Variants in COG5 observed in about 807,000 individuals in gnomAD.
COG5 encodes the protein conserved oligomeric Golgi complex subunit 5.
COG5 carries 86 observed loss-of-function variants against 110.4 expected under a neutral mutation model. The observed-to-expected ratio is 0.78, with a 90% confidence interval of 0.65 to 0.93. The LOEUF (loss-of-function observed/expected upper bound fraction) is 0.93, where lower values mean the gene tolerates loss of function less well. Ranked by LOEUF, COG5 falls within the 40% of genes least tolerant of loss-of-function variation. The probability of loss-of-function intolerance (pLI) is 0.00; values close to 1 mark genes in which losing one functional copy is unlikely to be tolerated. For missense variants in COG5, 1,077 were observed against 987.0 expected (o/e 1.09, Z -1.22); for synonymous variants, 360 against 334.6 (o/e 1.08, Z -0.83).
At chr7:107,382,878 G>A (rs1478390416) in intron 7 of COG5, among the ~76,000 whole-genome samples, 2 of 151,970 alleles carry the variant, frequency 1.3e-5, no homozygotes, top group Non-Finnish European at 2.9e-5. Context: ...TTAAGTTTTC[G>A]CCTACATTTT....
At chr7:107,526,749 C>A (rs1236684023) in intron 6 of COG5, among the ~76,000 whole-genome samples, 1 of 152,300 alleles carries the variant, frequency 6.6e-6, no homozygotes, top group African/African-American at 2.4e-5. Flanking sequence ...TTGAATAAAT[C>A]TCAAAGGTAT....
At chr7:107,522,977 G>T (rs1427921888) in intron 6 of COG5, among the ~76,000 whole-genome samples, 1 of 152,080 alleles carries the variant, frequency 6.6e-6, no homozygotes, top group African/African-American at 2.4e-5. Context: ...TCTCTTAAAA[G>T]TTATTCTAGC....
chr7:107,306,091 A>G (rs1244306758), intron 11 of COG5, among the ~76,000 whole-genome samples: 1 of 152,198 alleles, frequency 6.6e-6, no homozygotes, highest in Non-Finnish European at 1.5e-5. Context: ...CATACAGCAA[A>G]CTTGCAAACA....
At chr7:107,264,852 A>T (rs1308921989) in intron 14 of COG5, among the ~76,000 whole-genome samples, 1 of 152,212 alleles carries the variant, frequency 6.6e-6, no homozygotes, top group Non-Finnish European at 1.5e-5. Context: ...GGCAATTCAC[A>T]TGATGGAACA....
chr7:107,547,866 T>A, intron 5 of COG5: 1 of 467,612 alleles, frequency 2.1e-6, no homozygotes, highest in Non-Finnish European at 3.8e-6. Flanking sequence ...AAAACATTGA[T>A]GAAAGAAATT....
chr7:107,396,185 A>G (rs1333035362), intron 7 of COG5, among the ~76,000 whole-genome samples: 1 of 152,196 alleles, frequency 6.6e-6, no homozygotes, highest in East Asian at 1.9e-4. Context: ...ATGGGAGATT[A>G]CAAGAATTAA....
At chr7:107,510,274 A>T (rs1316522183) in intron 6 of COG5, among the ~76,000 whole-genome samples, 1 of 152,106 alleles carries the variant, frequency 6.6e-6, no homozygotes, top group Non-Finnish European at 1.5e-5. Context: ...CAGACTTTAA[A>T]CCAACAAAGA....
chr7:107,422,023 A>C (rs1035102876), intron 6 of COG5, among the ~76,000 whole-genome samples: 8 of 152,178 alleles, frequency 5.3e-5, no homozygotes, highest in Non-Finnish European at 1.5e-5. Context: ...AAGGTCTCAA[A>C]TCAATAATAC....
rs190322239 is a variant in COG5 at position 107,456,045 on chromosome 7, C to T, written c.539-43413G>A. Among the ~76,000 whole-genome samples the T allele has an allele frequency of 4.7e-3, 721 of 152,036 alleles. 6 individuals carry two copies. Among genetic ancestry groups the T allele is most frequent in the African/African-American group, 0.017 (693 of 41,450 alleles). ...AACTCCTGACCTCAAGTGATCTGCCCGCCTCGGCCTCCCAAAGTGCTGAGA... is the reference window on the plus strand; with the variant it reads ...AACTCCTGACCTCAAGTGATCTGCCTGCCTCGGCCTCCCAAAGTGCTGAGA... On this transcript the variant is annotated intron_variant, in intron 6 of 21. Transcript: ENST00000297135.
chr7:107,409,379 T>C (rs1269582073), intron 7 of COG5, among the ~76,000 whole-genome samples: 2 of 149,178 alleles, frequency 1.3e-5, no homozygotes, highest in Non-Finnish European at 3.0e-5. Flanking sequence ...CACCCAGCAG[T>C]CACCCAGTAG....
At chr7:107,247,282 C>G (rs866946098) in intron 17 of COG5, among the ~76,000 whole-genome samples, 16 of 152,058 alleles carry the variant, frequency 1.1e-4, no homozygotes, top group African/African-American at 2.9e-4. Flanking sequence ...GGGCCTAATA[C>G]CTGGGTGATG....
chr7:107,269,247 G>C (rs111522357), intron 14 of COG5, among the ~76,000 whole-genome samples: 1 of 151,952 alleles, frequency 6.6e-6, no homozygotes, highest in Non-Finnish European at 1.5e-5. Flanking sequence ...AGGCCGAGGC[G>C]GGGGGATCAC....
At chr7:107,469,212 A>G (rs1390006898) in intron 6 of COG5, among the ~76,000 whole-genome samples, 2 of 151,954 alleles carry the variant, frequency 1.3e-5, no homozygotes, top group Non-Finnish European at 2.9e-5. Flanking sequence ...GTGTAGCTAC[A>G]TATCATATTT....
In COG5 at chr7:107,210,582, G is replaced by C; in HGVS notation, c.2319C>G (p.Arg773=). Residue 773 remains arginine, a synonymous_variant, in exon 21 of 22, where the codon CGC becomes CGG. Coordinates refer to ENST00000297135, the MANE Select transcript of COG5 (RefSeq NM_006348.5). ...PFQRAEWSHT[R]FSQWLDDHPS... is the part of the protein sequence containing the mutation. Reference sequence around the variant, plus strand: ...GATGGTCATCCAGCCACTGAGAGAAGCGTGTGTGGGACCACTCTGCCCTCT... The same window carrying C: ...GATGGTCATCCAGCCACTGAGAGAACCGTGTGTGGGACCACTCTGCCCTCT... 1 of 1,604,396 alleles carries C rather than the reference G, an allele frequency of 6.2e-7. No individual in the cohort carries two copies.
chr7:107,441,589 C>T (rs998026902), intron 6 of COG5, among the ~76,000 whole-genome samples: 1 of 152,296 alleles, frequency 6.6e-6, no homozygotes, highest in Admixed American at 6.5e-5. Context: ...CAAGTGTATG[C>T]ACCTTCCCAA....
chr7:107,345,646 G>A (rs544074890), intron 10 of COG5, among the ~76,000 whole-genome samples: 15 of 152,186 alleles, frequency 9.9e-5, no homozygotes, highest in Non-Finnish European at 1.5e-4. Flanking sequence ...TTGCACAACC[G>A]AGAGCATCAG....
chr7:107,315,158 C>CTT (rs3839821), intron 11 of COG5, among the ~76,000 whole-genome samples: 1 of 144,594 alleles, frequency 6.9e-6, no homozygotes. Flanking sequence ...CTATTCTAAT[C>CTT]TTTTTTTTTT....
chr7:107,209,834 C>T (rs958424086), intron 21 of COG5: 39 of 985,310 alleles, frequency 4.0e-5, no homozygotes, highest in South Asian at 1.4e-4. Context: ...AAGGAAATGG[C>T]GGTCAACTGT....
chr7:107,523,454 T>G (rs1290461754), intron 6 of COG5, among the ~76,000 whole-genome samples: 3 of 152,064 alleles, frequency 2.0e-5, no homozygotes, highest in Non-Finnish European at 4.4e-5. Context: ...TGACTAAAAT[T>G]AAGACAGTGT....
Sources: allele counts gnomAD v4.1 joint callset (sites outside exome capture counted in the v4.1 genomes callset), GRCh38; gene constraint gnomAD v4.1.1; transcripts MANE v1.5; gene names NCBI Gene and HGNC (gene_info 2026-07-23, HGNC 2026-07-21).